The following DNAH8 variants were observed in gnomAD, a reference collection of about 807,000 sequenced individuals.
DNAH8 encodes axonemal beta dynein heavy chain 8.
Under a neutral mutation model 562.1 loss-of-function variants are expected in DNAH8, and 382 were observed. That is an observed-to-expected ratio of 0.68 (90% CI 0.63 to 0.74). The LOEUF (loss-of-function observed/expected upper bound fraction) is 0.74. Ranked by LOEUF, DNAH8 falls within the 30% of genes least tolerant of loss-of-function variation. The pLI is 0.00. For missense variants in DNAH8, 5,203 were observed against 5,620.4 expected (o/e 0.93, Z 2.37); for synonymous variants, 1,881 against 1,919.4 (o/e 0.98, Z 0.52).
chr6:38,773,296 C>T (rs919604183), intron 12 of DNAH8, among the ~76,000 whole-genome samples: 1 of 152,086 alleles, frequency 6.6e-6, no homozygotes, highest in Non-Finnish European at 1.5e-5. Flanking sequence ...CCCTTGCCCA[C>T]CTGGGTGTCG....
At chr6:38,795,595 A>G (rs1001446963) in intron 21 of DNAH8, among the ~76,000 whole-genome samples, 2 of 149,262 alleles carry the variant, frequency 1.3e-5, no homozygotes, top group Admixed American at 1.3e-4. Flanking sequence ...AAAAAAAAAA[A>G]GAGTGTAAGT....
At chr6:38,853,454 T>C in intron 41 of DNAH8, 107 bp downstream of exon 41, 2 of 1,276,630 alleles carry the variant, frequency 1.6e-6, no homozygotes, top group Non-Finnish European at 2.2e-6. Context: ...TAGCTTTGAA[T>C]TAGGTTAGAG....
intron 91 of DNAH8, among the ~76,000 whole-genome samples, chr6:39,024,577 A>C (rs970445327): frequency 2.6e-5 from 4 of 152,216 alleles, no homozygotes; most frequent in African/African-American, 9.6e-5. Flanking sequence ...CTGTAAACCC[A>C]GCTACTCCAG....
At chr6:38,973,579 TA>T (rs1330460238) in intron 83 of DNAH8, 81 bp from the exon 84 acceptor site, 6 of 1,177,978 alleles carry the variant, frequency 5.1e-6, no homozygotes, top group Admixed American at 5.7e-5. Context: ...ACATGGTTTT[TA>T]AAAAAAGTGC....
intron 79 of DNAH8, 23 bp downstream of exon 79, chr6:38,939,011 G>A: frequency 6.9e-6 from 11 of 1,590,760 alleles, no homozygotes; most frequent in Non-Finnish European, 9.4e-6. Flanking sequence ...GGATACAGAT[G>A]TGGTGTGTGG....
At chr6:38,777,878 A>G (rs777831715) in intron 13 of DNAH8, among the ~76,000 whole-genome samples, 1 of 152,180 alleles carries the variant, frequency 6.6e-6, no homozygotes, top group African/African-American at 2.4e-5. Context: ...CTGAAGTTCT[A>G]TATATCCCAA....
chr6:38,845,704 C>G lies in DNAH8; in HGVS notation c.4976C>G (p.Thr1659Ser). The G allele has an allele frequency of 6.2e-7, 1 of 1,613,904 alleles. No homozygotes were observed. Among genetic ancestry groups the G allele is most frequent in the Non-Finnish European group, 8.5e-7 (1 of 1,179,894 alleles). ...KGKGELLLKG[T>S]ESGEIITLME... The stretch of plus-strand genomic sequence containing the variant: ...AAAGGAGAGCTCCTGCTCAAAGGAA[C>G]CGAATCGGGAGAAATTATCACTTTG... Residue 1659 changes from threonine (T) to serine (S), a missense_variant, in exon 36 of 93, where the codon ACC (threonine) becomes AGC (serine). By Grantham distance (58) the Thr-to-Ser change is moderately conservative. This residue lies in a region of DNAH8 where 2,176 missense variants were observed against 2,365.1 expected (regional missense o/e 0.92). Coordinates refer to ENST00000327475, the MANE Select transcript of DNAH8 (RefSeq NM_001206927.2).
At chr6:38,917,627 C>A (rs1561859657) in intron 69 of DNAH8, among the ~76,000 whole-genome samples, 1 of 152,214 alleles carries the variant, frequency 6.6e-6, no homozygotes, top group African/African-American at 2.4e-5. Flanking sequence ...AGTATTGGCA[C>A]AGCCTTGGTG....
intron 5 of DNAH8, among the ~76,000 whole-genome samples, chr6:38,736,530 A>AT (rs201412192): frequency 7.9e-5 from 12 of 151,010 alleles, no homozygotes; most frequent in Middle Eastern, 3.4e-3. Context: ...ACCAGAAATC[A>AT]TTTTTTTTTG....
chr6:38,761,835 A>G, intron 11 of DNAH8, 32 bp downstream of exon 11: 1 of 1,339,670 alleles, frequency 7.5e-7, no homozygotes, highest in Non-Finnish European at 1.0e-6. Flanking sequence ...TTCATAAACT[A>G]AATCTTTTCC....
intron 25 of DNAH8, among the ~76,000 whole-genome samples, chr6:38,814,955 A>G (rs530311757): frequency 7.2e-5 from 11 of 152,136 alleles, no homozygotes; most frequent in African/African-American, 2.7e-4. Context: ...GGGTCAAAGG[A>G]TAAGGCCAGG....
chr6:38,730,099 G>T (rs1582844958), intron 4 of DNAH8, 113 bp downstream of exon 4: 2 of 590,080 alleles, frequency 3.4e-6, no homozygotes, highest in East Asian at 2.9e-5. Context: ...AATGTTACCA[G>T]AAGTTTATGT....
At chr6:38,769,986 G>A (rs1767403057) in intron 11 of DNAH8, among the ~76,000 whole-genome samples, 1 of 152,136 alleles carries the variant, frequency 6.6e-6, no homozygotes, top group Non-Finnish European at 1.5e-5. Flanking sequence ...TAGGATTTCA[G>A]CAATGTACTC....
intron 82 of DNAH8, among the ~76,000 whole-genome samples, chr6:38,961,404 C>T (rs1397346515): frequency 6.6e-6 from 1 of 151,858 alleles, no homozygotes; most frequent in Non-Finnish European, 1.5e-5. Context: ...ACACTGTACC[C>T]ATAAATATTT....
In DNAH8 at chr6:38,882,921, C is replaced by T. The variant is rs1778614372; in HGVS notation, c.7870C>T (p.His2624Tyr). ...TACTTATTATATAGGTGATTGGGAG[C>T]ACTGGAATAAGAAACTTCAGCCTTA... Reference protein sequence around the residue: ...FYVTDYGDWEHWNKKLQPYYY... With the variant: ...FYVTDYGDWEYWNKKLQPYYY... The change falls in exon 54 of 93, where the codon CAC (histidine) becomes TAC (tyrosine). Residue 2624 changes from histidine to tyrosine, a missense_variant. His to Tyr is a moderately conservative substitution (Grantham distance 83). Around this residue, in one of 6 missense-constraint regions of DNAH8, gnomAD observed 977 missense variants for 1,061.8 expected, o/e 0.92. Transcript: ENST00000327475. 2.5e-6 allele frequency: 4 copies of T among 1,579,386 alleles called. No homozygotes were observed. The highest frequency in any genetic ancestry group is 2.7e-5 in the African/African-American group (2 of 73,360).
At chr6:39,023,284 A>G (rs1277411373) in intron 91 of DNAH8, among the ~76,000 whole-genome samples, 1 of 152,182 alleles carries the variant, frequency 6.6e-6, no homozygotes. Flanking sequence ...CGAGGTCAGG[A>G]GATCGAGACC....
chr6:38,934,854 G>T (rs1215091192), intron 76 of DNAH8, among the ~76,000 whole-genome samples: 1 of 152,110 alleles, frequency 6.6e-6, no homozygotes, highest in Non-Finnish European at 1.5e-5. Flanking sequence ...TAACAATAAT[G>T]ACAACATTAT....
chr6:38,988,920 A>G (rs1316212101), intron 87 of DNAH8, among the ~76,000 whole-genome samples: 1 of 152,032 alleles, frequency 6.6e-6, no homozygotes, highest in African/African-American at 2.4e-5. Context: ...TGCACTTTGT[A>G]TTGTGGTTAT....
At chr6:38,927,241 G>A (rs1170744452) in intron 74 of DNAH8, among the ~76,000 whole-genome samples, 1 of 152,166 alleles carries the variant, frequency 6.6e-6, no homozygotes, top group Non-Finnish European at 1.5e-5. Context: ...CAGCAAACTG[G>A]GAGAGATCTT....
Sources: gnomAD v4.1 joint callset for allele counts (sites outside exome capture counted in the v4.1 genomes callset) on GRCh38, gnomAD v4.1.1 for gene constraint, gnomAD v4.1.1 regional missense constraint, MANE v1.5 for transcripts, NCBI Gene and HGNC (gene_info 2026-07-23, HGNC 2026-07-21) for gene names.